DLG4: variants seen among roughly 807,000 people sequenced by gnomAD.
DLG4 encodes the protein disks large homolog 4.
DLG4 carries 7 observed loss-of-function variants against 93.8 expected under a neutral mutation model. The ratio of observed to expected loss-of-function variants is 0.07; its 90% CI spans 0.04 to 0.14. The LOEUF is 0.14. Ranked by LOEUF, DLG4 falls within the 10% of genes least tolerant of loss-of-function variation. The pLI is 1.00. For synonymous variants in DLG4, 341 were observed against 387.6 expected (o/e 0.88, Z 1.41); for missense variants, 545 against 992.9 (o/e 0.55, Z 6.06).
chr17:7,189,111 CA>C lies in DLG4; in HGVS notation c.*1596del, dbSNP rs542699194. 0.21 allele frequency among the ~76,000 whole-genome samples: 13,150 copies of C among 62,864 alleles called. 658 individuals carry two copies. The highest frequency in any genetic ancestry group is 0.31 in the South Asian group (610 of 1,950). The allele number at this position is 62,864 out of a possible 152,430, so 41.2% of individuals were successfully genotyped here. The stretch of plus-strand genomic sequence containing the variant: ...TGAGCGAAAGAGCGAAACTCTGTCT[CA>C]AAAAAAAAAAAAAAAGGGTGGGGGG... On this transcript the variant is annotated 3_prime_UTR_variant, in exon 20 of 20. Transcript: ENST00000399506.
rs1187861265 is a variant in DLG4, at chr17:7,194,444, G to A, written c.1353C>T (p.Ala451=). The change falls in exon 12 of 20, where the codon GCC becomes GCT. Residue 451 remains alanine (A), a synonymous_variant. Transcript: ENST00000399506. This position sits in a 1 kb window ranked among gnomAD's most constrained non-coding sequence, Gnocchi z 4.4. ...GCACATCCCCAAAGCGGAAGCTCAGGGCCTGGCTCAGGAAGCCGCAGTCCT... is the reference window on the plus strand; with the variant it reads ...GCACATCCCCAAAGCGGAAGCTCAGAGCCTGGCTCAGGAAGCCGCAGTCCT... ...KTKDCGFLSQ[A]LSFRFGDVLH... is the part of the protein sequence containing the mutation. 2 of 1,611,832 alleles carry A rather than the reference G, an allele frequency of 1.2e-6. No homozygotes were observed. The highest frequency in any genetic ancestry group is 1.7e-5 in the Admixed American group (1 of 59,750).
chr17:7,214,611 C>T (rs918812551), intron 1 of DLG4, among the ~76,000 whole-genome samples: 8 of 152,210 alleles, frequency 5.3e-5, no homozygotes, highest in Non-Finnish European at 8.8e-5. Flanking sequence ...GGCAAATAGC[C>T]TCAGTCTTTC....
rs746737548 is a variant in DLG4 at position 7,191,851 on chromosome 17, G to A, written c.1976+42C>T. ...CGCCTTGTGAGGCCCAGGGCCACAG[G>A]TGTTGGGGGAGCAAAGGGGAGGCCC... On this transcript the variant is annotated intron_variant, in intron 18 of 19. Coordinates refer to ENST00000399506, the MANE Select transcript of DLG4 (RefSeq NM_001321075.3). The surrounding 1 kb of genome is among the most constrained non-coding windows in gnomAD (Gnocchi z 6.6). 3 of 1,346,224 alleles carry A rather than the reference G, an allele frequency of 2.2e-6. No individual in the cohort carries two copies. Among genetic ancestry groups the A allele is most frequent in the Non-Finnish European group, 3.0e-6 (3 of 1,007,570 alleles). The allele number at this position is 1,346,224 out of a possible 1,614,324, so 83.4% of individuals were successfully genotyped here. A position where few individuals can be genotyped will look rare whatever the true frequency, so the allele number is the denominator to read the frequency against.
chr17:7,218,571 G>A, upstream of DLG4: 1 of 1,565,326 alleles, frequency 6.4e-7, no homozygotes, highest in South Asian at 1.2e-5. Context: ...TCGCTATGCA[G>A]CACTGTGAGG....
rs3215125 is a variant in DLG4, at chr17:7,193,388, TC to T, written c.1693+94del. 518,117 of 1,242,038 alleles carry T rather than the reference TC, an allele frequency of 0.42. 109,940 individuals carry two copies. Among genetic ancestry groups the T allele is most frequent in the Middle Eastern group, 0.5 (2,434 of 4,912 alleles). 76.9% of individuals were successfully genotyped at this position (1,242,038 alleles called of 1,614,324 possible). A position where few individuals can be genotyped will look rare whatever the true frequency, so the allele number is the denominator to read the frequency against. ...AACCCTGTATCTCCCTACACACCGATCCCCCAGGAGGCTCTGCCTATGGCCC... is the reference window on the plus strand; with the variant it reads ...AACCCTGTATCTCCCTACACACCGATCCCCAGGAGGCTCTGCCTATGGCCC... On this transcript the variant is annotated intron_variant, in intron 16 of 19. Transcript: ENST00000399506. This position sits in a 1 kb window ranked among gnomAD's most constrained non-coding sequence, Gnocchi z 6.7.
chr17:7,193,443 C>G lies in DLG4; in HGVS notation c.1693+40G>C. 6.7e-7 allele frequency: 1 copy of G among 1,502,666 alleles called. No homozygotes were observed. The highest frequency in any genetic ancestry group is 2.3e-5 in the East Asian group (1 of 43,278). The allele number at this position is 1,502,666 out of a possible 1,614,324, so 93.1% of individuals were successfully genotyped here. A position where few individuals can be genotyped will look rare whatever the true frequency, so the allele number is the denominator to read the frequency against. The stretch of plus-strand genomic sequence containing the variant: ...GGATGGGCCTCCCCTGCCCCACCCC[C>G]ACTTCCACCTTCTCCTCCATCCAAG... On this transcript the variant is annotated intron_variant, in intron 16 of 19. Transcript: ENST00000399506. The surrounding 1 kb of genome is among the most constrained non-coding windows in gnomAD (Gnocchi z 6.7).
chr17:7,213,095 C>CT (rs746009346), intron 1 of DLG4, among the ~76,000 whole-genome samples: 55 of 80,864 alleles, frequency 6.8e-4, no homozygotes, highest in South Asian at 5.4e-3. Flanking sequence ...TTCTTTCTTT[C>CT]TTTTTTTTTT....
rs2069513337 is a variant in DLG4, at chr17:7,191,793, G to C, written c.1976+100C>G. 1 of 874,358 alleles carries C rather than the reference G, an allele frequency of 1.1e-6. No individual in the cohort carries two copies. Among genetic ancestry groups the C allele is most frequent in the Non-Finnish European group, 1.7e-6 (1 of 579,252 alleles). The allele number at this position is 874,358 out of a possible 1,614,324, so 54.2% of individuals were successfully genotyped here. On this transcript the variant is annotated intron_variant, in intron 18 of 19. Coordinates refer to ENST00000399506, the MANE Select transcript of DLG4 (RefSeq NM_001321075.3). This position sits in a 1 kb window ranked among gnomAD's most constrained non-coding sequence, Gnocchi z 6.6. ...CCCCTCAGGGGCTGCTGAAACCGCTGTCCAGGGTTCTGAAGGGAGAGTTGA... is the reference window on the plus strand; with the variant it reads ...CCCCTCAGGGGCTGCTGAAACCGCTCTCCAGGGTTCTGAAGGGAGAGTTGA...
At chr17:7,213,683 C>G (rs1486448798) in intron 1 of DLG4, 32 of 450,368 alleles carry the variant, frequency 7.1e-5, no homozygotes, top group Non-Finnish European at 8.9e-5. Flanking sequence ...TCCAAATATT[C>G]TCCCATTGAA....
rs1199588914 is a variant in DLG4, at chr17:7,190,024, G to T, written c.*684C>A. ...ACCCCTGCCCCCCACCCTCCCTCCC[G>T]CATTTCCCACTCCCTAGACCCATCC... On this transcript the variant is annotated 3_prime_UTR_variant, in exon 20 of 20. Transcript: ENST00000399506. The T allele has an allele frequency of 1.3e-4, 1 of 7,414 alleles. No individual in the cohort carries two copies. Among genetic ancestry groups the T allele is most frequent in the Non-Finnish European group, 2.7e-4 (1 of 3,762 alleles). 0.5% of individuals were successfully genotyped at this position (7,414 alleles called of 1,614,324 possible). A position where few individuals can be genotyped will look rare whatever the true frequency, so the allele number is the denominator to read the frequency against.
At chr17:7,205,023 G>A (rs1176967808) in intron 2 of DLG4, 1 of 985,348 alleles carries the variant, frequency 1.0e-6, no homozygotes, top group Non-Finnish European at 1.2e-6. Flanking sequence ...AGCGCAGAAG[G>A]GATCCGCTAG....
At position 7,193,622 on chromosome 17, in the gene DLG4, G is replaced by A. The variant is rs190944374; in HGVS notation, c.1592-38C>T. ...CCTGGCTTAGGCCGAGCGCAGGGTT[G>A]GGGGAGCAGCAAGTGCTGGGGCCAA... On this transcript the variant is annotated intron_variant, in intron 15 of 19. Coordinates refer to ENST00000399506, the MANE Select transcript of DLG4 (RefSeq NM_001321075.3). This position sits in a 1 kb window ranked among gnomAD's most constrained non-coding sequence, Gnocchi z 6.7. 5 of 1,529,868 alleles carry A rather than the reference G, an allele frequency of 3.3e-6. No homozygotes were observed. The highest frequency in any genetic ancestry group is 1.4e-5 in the African/African-American group (1 of 71,994). The allele number at this position is 1,529,868 out of a possible 1,614,324, so 94.8% of individuals were successfully genotyped here. A position where few individuals can be genotyped will look rare whatever the true frequency, so the allele number is the denominator to read the frequency against.
intron 8 of DLG4, among the ~76,000 whole-genome samples, chr17:7,197,439 A>G (rs1172315633): frequency 6.6e-6 from 1 of 152,014 alleles, no homozygotes; most frequent in Non-Finnish European, 1.5e-5. Context: ...CATTCGTTGA[A>G]AAAACTAGGT....
At chr17:7,192,878 G>C in intron 17 of DLG4, 67 bp downstream of exon 17, 1 of 1,487,566 alleles carries the variant, frequency 6.7e-7, no homozygotes, top group Non-Finnish European at 9.1e-7. Flanking sequence ...GTTAGAGAAA[G>C]CTGGAGGGAG....
At chr17:7,201,663 C>T (rs1395861601) in intron 8 of DLG4, among the ~76,000 whole-genome samples, 1 of 152,132 alleles carries the variant, frequency 6.6e-6, no homozygotes, top group Non-Finnish European at 1.5e-5. Flanking sequence ...GGCAGATCAC[C>T]TGAGGTCAGG....
chr17:7,190,580 T>C lies in DLG4; in HGVS notation c.*128A>G. 4 of 712,490 alleles carry C rather than the reference T, an allele frequency of 5.6e-6. No individual in the cohort carries two copies. The highest frequency in any genetic ancestry group is 2.5e-6 in the Non-Finnish European group (1 of 402,894). 44.1% of individuals were successfully genotyped at this position (712,490 alleles called of 1,614,324 possible). On this transcript the variant is annotated 3_prime_UTR_variant, in exon 20 of 20. Coordinates refer to ENST00000399506, the MANE Select transcript of DLG4 (RefSeq NM_001321075.3). ...CCCCCCTCCAACAGGCTGGATCCAG[T>C]TAGAAAGGAAATAAATAAGAAGGGG... is the stretch of plus-strand genomic sequence containing the variant.
In DLG4 at chr17:7,188,754, C is replaced by T. The variant is rs1338121714; in HGVS notation, c.*1954G>A. 6.6e-6 allele frequency among the ~76,000 whole-genome samples: 1 copy of T among 152,166 alleles called. No homozygotes were observed. Among genetic ancestry groups the T allele is most frequent in the Non-Finnish European group, 1.5e-5 (1 of 68,034 alleles). ...ACATTTCTCCAGTTTTCATCTTTGG[C>T]ATTTAGATTCTTATTTTCCTACCCT... On this transcript the variant is annotated 3_prime_UTR_variant, in exon 20 of 20. Coordinates refer to ENST00000399506, the MANE Select transcript of DLG4 (RefSeq NM_001321075.3).
At position 7,191,141 on chromosome 17, in the gene DLG4, T is replaced by A. The variant is rs953256692; in HGVS notation, c.2068+126A>T. 1.2e-6 allele frequency: 1 copy of A among 843,280 alleles called. No homozygotes were observed. The highest frequency in any genetic ancestry group is 1.9e-6 in the Non-Finnish European group (1 of 523,606). The allele number at this position is 843,280 out of a possible 1,614,324, so 52.2% of individuals were successfully genotyped here. ...CCCGCCAGTGCTGGGATTACAGGCG[T>A]GAGCCACCATGCCGCGCCCACAGGG... is the stretch of plus-strand genomic sequence containing the variant. On this transcript the variant is annotated intron_variant, in intron 19 of 19. Transcript: ENST00000399506. This position sits in a 1 kb window ranked among gnomAD's most constrained non-coding sequence, Gnocchi z 6.6.
upstream of DLG4, chr17:7,219,616 C>T (rs1365520312): frequency 2.5e-6 from 3 of 1,189,766 alleles, no homozygotes; most frequent in East Asian, 5.1e-5. Flanking sequence ...CCTACTTTTC[C>T]CTTCTAACCC....
Sources: gnomAD v4.1 joint callset for allele counts (sites outside exome capture counted in the v4.1 genomes callset) on GRCh38, gnomAD v4.1.1 for gene constraint, Gnocchi (gnomAD v3.1) non-coding constraint, MANE v1.5 for transcripts, NCBI Gene and HGNC (gene_info 2026-07-23, HGNC 2026-07-21) for gene names.